EYS: variants seen among roughly 807,000 people sequenced by gnomAD.
EYS encodes EGF-like photoreceptor maintenance factor, also known as protein eyes shut homolog.
A neutral mutation model predicts 282.1 loss-of-function variants in EYS; 250 were observed. The observed-to-expected ratio is 0.89, with a 90% CI of 0.80 to 0.98. The LOEUF is 0.98. Among genes scored for constraint, EYS ranks in the 50% least tolerant of loss-of-function variants. The pLI, the probability that EYS is intolerant of heterozygous loss-of-function variation, is 0.00. For synonymous variants in EYS, 1,355 were observed against 1,282.9 expected, an observed-to-expected ratio of 1.06 and a Z score of -1.20; for missense variants, 4,016 against 3,709.0, an observed-to-expected ratio of 1.08 and a Z score of -2.15.
chr6:63,781,281 T>C (rs1213906834), intron 39 of EYS, among the ~76,000 whole-genome samples: 1 of 152,352 alleles, frequency 6.6e-6, no homozygotes, highest in East Asian at 1.9e-4. Flanking sequence ...TCCAATTTTG[T>C]GAAGAAAGTC....
intron 22 of EYS, among the ~76,000 whole-genome samples, chr6:64,737,825 T>C (rs1772231898): frequency 6.6e-6 from 1 of 152,206 alleles, no homozygotes; most frequent in Non-Finnish European, 1.5e-5. Flanking sequence ...AAGGGAGCAC[T>C]GACATTCTCA....
chr6:65,183,729 C>T (rs1418454605), intron 12 of EYS, among the ~76,000 whole-genome samples: 1 of 151,458 alleles, frequency 6.6e-6, no homozygotes, highest in Non-Finnish European at 1.5e-5. Context: ...TTTTGATTCT[C>T]TTGAAACAAA....
chr6:63,887,227 A>G (rs898501911), intron 35 of EYS, among the ~76,000 whole-genome samples: 2 of 152,000 alleles, frequency 1.3e-5, no homozygotes, highest in African/African-American at 4.8e-5. Context: ...TATGTTGAGC[A>G]TGGAATATAA....
intron 25 of EYS, among the ~76,000 whole-genome samples, chr6:64,592,427 AT>A (rs1766441831): frequency 6.6e-6 from 1 of 152,126 alleles, no homozygotes; most frequent in Non-Finnish European, 1.5e-5. Flanking sequence ...TTTCAATTTA[AT>A]TTTTTAAAAG....
chr6:64,231,651 A>G (rs1766430149), intron 30 of EYS, among the ~76,000 whole-genome samples: 1 of 152,142 alleles, frequency 6.6e-6, no homozygotes, highest in Non-Finnish European at 1.5e-5. Context: ...AACAAGATGA[A>G]ACTGTAGTAT....
intron 26 of EYS, among the ~76,000 whole-genome samples, chr6:64,578,800 T>C (rs1030223240): frequency 9.2e-5 from 14 of 152,120 alleles, no homozygotes; most frequent in Non-Finnish European, 1.6e-4. Context: ...ATGGTTATTA[T>C]GGAAGAACAC....
At chr6:64,576,966 T>G (rs1265650096) in intron 26 of EYS, among the ~76,000 whole-genome samples, 2 of 152,104 alleles carry the variant, frequency 1.3e-5, no homozygotes. Context: ...CCATTATGAC[T>G]GGTGTTCTTC....
chr6:63,858,042 A>T (rs890426441), intron 36 of EYS, among the ~76,000 whole-genome samples: 2 of 152,102 alleles, frequency 1.3e-5, no homozygotes, highest in Admixed American at 6.6e-5. Flanking sequence ...GAAAGAGGGG[A>T]CCAGGGTGCC....
At chr6:64,656,659 C>T (rs1399229742) in intron 22 of EYS, among the ~76,000 whole-genome samples, 1 of 152,130 alleles carries the variant, frequency 6.6e-6, no homozygotes, top group Non-Finnish European at 1.5e-5. Context: ...TCAGAATTAT[C>T]CCACCTGATA....
chr6:63,875,083 A>T (rs1161415006), intron 35 of EYS, among the ~76,000 whole-genome samples: 2 of 152,174 alleles, frequency 1.3e-5, no homozygotes, highest in Admixed American at 1.3e-4. Flanking sequence ...GTTTTTGCCC[A>T]TTCAGTATGA....
rs117171875 is a variant in EYS, at chr6:64,279,742, A to G, written c.6191+27228T>C. On this transcript the variant is annotated intron_variant, in intron 30 of 42. Coordinates refer to ENST00000503581, the MANE Select transcript of EYS (RefSeq NM_001142800.2). ...ATTACTGTCTCCCACCACACAGAGA[A>G]GCAGCCTGTTGTTCCTTTTTCTCTT... 7.3e-3 allele frequency among the ~76,000 whole-genome samples: 1,110 copies of G among 152,264 alleles called. 33 individuals are homozygous for G. Among genetic ancestry groups the G allele is most frequent in the East Asian group, 0.057 (297 of 5,180 alleles).
intron 30 of EYS, among the ~76,000 whole-genome samples, chr6:64,253,491 C>T (rs530134888): frequency 6.6e-6 from 1 of 152,174 alleles, no homozygotes; most frequent in African/African-American, 2.4e-5. Flanking sequence ...TTTTACACTA[C>T]TATAGTTATC....
intron 41 of EYS, among the ~76,000 whole-genome samples, chr6:63,743,818 C>T (rs1357792641): frequency 6.6e-6 from 1 of 152,114 alleles, no homozygotes; most frequent in Non-Finnish European, 1.5e-5. Context: ...GAGAAATCTC[C>T]ACACTTCTGC....
intron 2 of EYS, among the ~76,000 whole-genome samples, chr6:65,628,915 T>C (rs762240741): frequency 5.9e-5 from 9 of 152,240 alleles, no homozygotes; most frequent in Non-Finnish European, 1.3e-4. Flanking sequence ...ATGGTTTTCA[T>C]GCAAAAATAT....
chr6:64,952,672 T>C (rs1249843664), intron 14 of EYS, among the ~76,000 whole-genome samples: 1 of 152,066 alleles, frequency 6.6e-6, no homozygotes, highest in Non-Finnish European at 1.5e-5. Flanking sequence ...ACCTGAAGCT[T>C]TGATAATTTC....
chr6:64,776,564 C>T (rs1250826800), intron 22 of EYS, among the ~76,000 whole-genome samples: 1 of 151,780 alleles, frequency 6.6e-6, no homozygotes, highest in East Asian at 1.9e-4. Flanking sequence ...GACTACTGCT[C>T]TTTGTGTGTA....
intron 41 of EYS, among the ~76,000 whole-genome samples, chr6:63,740,916 C>T (rs942303445): frequency 1.3e-5 from 2 of 152,124 alleles, no homozygotes; most frequent in Non-Finnish European, 2.9e-5. Context: ...AACGTTTCCT[C>T]TGTTGTTCAT....
At chr6:64,630,954 A>G (rs1200643714) in intron 22 of EYS, among the ~76,000 whole-genome samples, 1 of 152,198 alleles carries the variant, frequency 6.6e-6, no homozygotes. Context: ...GTATTTATTC[A>G]CTTTATAAGC....
intron 10 of EYS, among the ~76,000 whole-genome samples, chr6:65,338,640 A>G (rs1204289065): frequency 6.6e-6 from 1 of 151,018 alleles, no homozygotes; most frequent in African/African-American, 2.4e-5. Context: ...ATACACACAA[A>G]TTAAATTAGA....
Sources: gnomAD v4.1 joint callset for allele counts (sites outside exome capture counted in the v4.1 genomes callset) on GRCh38, gnomAD v4.1.1 for gene constraint, MANE v1.5 for transcripts, NCBI Gene and HGNC (gene_info 2026-07-23, HGNC 2026-07-21) for gene names.